The following PLXNA4 variants were observed in gnomAD, a reference collection of about 807,000 sequenced individuals.
PLXNA4 encodes the protein plexin A4, also known as plexin-A4.
PLXNA4 carries 44 observed loss-of-function variants against 191.8 expected under a neutral mutation model. The ratio of observed to expected loss-of-function variants is 0.23; its 90% CI spans 0.18 to 0.29. PLXNA4 has a LOEUF of 0.29. Among genes scored for constraint, PLXNA4 ranks in the 10% least tolerant of loss-of-function variants. The pLI is 1.00. For synonymous variants in PLXNA4, 1,082 were observed against 1,009.5 expected (o/e 1.07, Z -1.36); for missense variants, 1,800 against 2,488.8 (o/e 0.72, Z 5.89).
intron 3 of PLXNA4, among the ~76,000 whole-genome samples, chr7:132,318,140 G>A (rs1802017894): frequency 6.6e-6 from 1 of 152,198 alleles, no homozygotes; most frequent in Non-Finnish European, 1.5e-5. Context: ...AGGCCTGCAG[G>A]CAGGGGGACT....
Position 132,181,574 on chromosome 7 carries a change from G to A in PLXNA4, c.3299C>T (p.Ala1100Val). 6.2e-7 allele frequency: 1 copy of A among 1,614,198 alleles called. No individual in the cohort carries two copies. Among genetic ancestry groups the A allele is most frequent in the Non-Finnish European group, 8.5e-7 (1 of 1,180,044 alleles). ...NATEMTCQAP[A>V]LALGPDHQSD... ...CTGGTGGTCAGGACCCAGAGCGAGG[G>A]CGGGCGCCTGACAGGTCATCTCAGT... Residue 1100 changes from alanine (A) to valine (V), a missense_variant, in exon 18 of 32, where the codon GCC (alanine) becomes GTC (valine). Ala to Val is a moderately conservative substitution (Grantham distance 64, BLOSUM62 0). Coordinates refer to ENST00000321063, the MANE Select transcript of PLXNA4 (RefSeq NM_020911.2).
chr7:132,419,964 G>C (rs910323157), intron 3 of PLXNA4, among the ~76,000 whole-genome samples: 1 of 151,884 alleles, frequency 6.6e-6, no homozygotes, highest in Non-Finnish European at 1.5e-5. Context: ...TTAGCTTATG[G>C]GCTGTACAAA....
chr7:132,153,876 C>G (rs746601032), intron 25 of PLXNA4, among the ~76,000 whole-genome samples: 2 of 152,132 alleles, frequency 1.3e-5, no homozygotes, highest in African/African-American at 4.8e-5. Context: ...GGCTGGGGAC[C>G]CTTCAGGCTT....
intron 9 of PLXNA4, among the ~76,000 whole-genome samples, chr7:132,219,846 G>A (rs1798086973): frequency 6.6e-6 from 1 of 152,050 alleles, no homozygotes; most frequent in Non-Finnish European, 1.5e-5. Flanking sequence ...ACTTCCCATC[G>A]TGTTATAATT....
chr7:132,414,663 G>A (rs928503511), intron 3 of PLXNA4, among the ~76,000 whole-genome samples: 6 of 152,020 alleles, frequency 3.9e-5, no homozygotes, highest in Admixed American at 6.6e-5. Context: ...TGATTATGAG[G>A]GTGGCTAATT....
At chr7:132,223,678 C>G in intron 8 of PLXNA4, 37 bp from the exon 9 acceptor site, 3 of 1,545,622 alleles carry the variant, frequency 1.9e-6, no homozygotes, top group Non-Finnish European at 2.7e-6. Context: ...ATCTAAGAAC[C>G]TGGATGAGCC....
At chr7:132,500,281 A>G (rs1040901617) in intron 2 of PLXNA4, among the ~76,000 whole-genome samples, 6 of 152,300 alleles carry the variant, frequency 3.9e-5, no homozygotes, top group Middle Eastern at 3.4e-3. Flanking sequence ...TGTCTGTACT[A>G]AAAATACAAA....
At chr7:132,252,436 T>A (rs1156249901) in intron 4 of PLXNA4, among the ~76,000 whole-genome samples, 1 of 149,328 alleles carries the variant, frequency 6.7e-6, no homozygotes, top group East Asian at 2.0e-4. Flanking sequence ...CTCAGCCTAC[T>A]GAGTAGCTGG....
intron 3 of PLXNA4, among the ~76,000 whole-genome samples, chr7:132,479,965 A>C (rs929721819): frequency 6.6e-6 from 1 of 152,022 alleles, no homozygotes; most frequent in Non-Finnish European, 1.5e-5. Flanking sequence ...GCCTCTTTGC[A>C]TTTTTTTAAA....
intron 2 of PLXNA4, among the ~76,000 whole-genome samples, chr7:132,497,884 C>T (rs189553219): frequency 1.1e-3 from 163 of 152,222 alleles, no homozygotes; most frequent in Non-Finnish European, 1.9e-3. Context: ...GTGTCTTTTT[C>T]AATGAGATTG....
At chr7:132,322,184 C>CTGTTTTTTTTTTTTTTTTTTTTTT (rs376377991) in intron 3 of PLXNA4, among the ~76,000 whole-genome samples, 1 of 122,520 alleles carries the variant, frequency 8.2e-6, no homozygotes, top group Non-Finnish European at 1.7e-5. Flanking sequence ...CCTAAAAGGG[C>CTGTTTTTTTTTTTTTTTTTTTTTT]TTTTTTTTTT....
chr7:132,647,080 CACAA>C (rs772125280), intron 1 of PLXNA4, among the ~76,000 whole-genome samples: 3 of 152,086 alleles, frequency 2.0e-5, no homozygotes, highest in Admixed American at 6.5e-5. Context: ...GTCATACATT[CACAA>C]ACACCCACAT....
chr7:132,239,744 A>T (rs1430450199), intron 5 of PLXNA4, among the ~76,000 whole-genome samples: 1 of 152,202 alleles, frequency 6.6e-6, no homozygotes, highest in South Asian at 2.1e-4. Flanking sequence ...CTCTGTTAGC[A>T]TGCAACCTTT....
chr7:132,137,311 A>G (rs767960372), intron 30 of PLXNA4, among the ~76,000 whole-genome samples: 3 of 152,224 alleles, frequency 2.0e-5, no homozygotes, highest in Admixed American at 1.3e-4. Flanking sequence ...CTGTGACTCC[A>G]TTCTACTTAC....
At chr7:132,524,098 C>A (rs1272613933) in intron 1 of PLXNA4, among the ~76,000 whole-genome samples, 1 of 152,144 alleles carries the variant, frequency 6.6e-6, no homozygotes. Context: ...TCAATAACTA[C>A]AACGAAGTGA....
At chr7:132,643,329 A>G (rs1803788635) in intron 2 of PLXNA4, among the ~76,000 whole-genome samples, 1 of 152,204 alleles carries the variant, frequency 6.6e-6, no homozygotes, top group South Asian at 2.1e-4. Flanking sequence ...GTGCAAGTTC[A>G]GAGCCCCCAC....
chr7:132,332,405 C>T (rs1401691134), intron 3 of PLXNA4, among the ~76,000 whole-genome samples: 1 of 152,160 alleles, frequency 6.6e-6, no homozygotes, highest in African/African-American at 2.4e-5. Flanking sequence ...TCTATCAGGT[C>T]TTGTTTAACT....
At position 132,240,542 on chromosome 7, in the gene PLXNA4, G is replaced by A. The variant is rs1798842194; in HGVS notation, c.1604+524C>T. ...TTGGCAGCAGTGGGAGGGTCCTCAGGTGCTACACACTTCAACTGCAGACCC... is the reference window on the plus strand; with the variant it reads ...TTGGCAGCAGTGGGAGGGTCCTCAGATGCTACACACTTCAACTGCAGACCC... On this transcript the variant is annotated intron_variant, in intron 5 of 31. Transcript: ENST00000321063. Among the ~76,000 whole-genome samples the A allele has an allele frequency of 2.6e-5, 4 of 152,210 alleles. 1 individual carries two copies. The South Asian group carries it at 8.3e-4, about 32-fold the overall frequency.
chr7:132,389,097 C>T (rs892950646), intron 3 of PLXNA4, among the ~76,000 whole-genome samples: 2 of 152,202 alleles, frequency 1.3e-5, no homozygotes, highest in Non-Finnish European at 2.9e-5. Flanking sequence ...ATATCCTTTG[C>T]CCACTTTTTG....
Sources: gnomAD v4.1 joint callset for allele counts (sites outside exome capture counted in the v4.1 genomes callset) on GRCh38, gnomAD v4.1.1 for gene constraint, MANE v1.5 for transcripts, NCBI Gene and HGNC (gene_info 2026-07-23, HGNC 2026-07-21) for gene names.